FSD1L: variants seen among roughly 807,000 people sequenced by gnomAD.
FSD1L encodes the protein FSD1-like protein.
FSD1L carries 45 observed loss-of-function variants against 71.6 expected under a neutral mutation model. That is an observed-to-expected ratio of 0.63 (90% CI 0.49 to 0.81). The LOEUF is 0.81. FSD1L is among the 30% of genes least tolerant of loss of function. The pLI, the probability that FSD1L is intolerant of heterozygous loss-of-function variation, is 0.00. For missense variants in FSD1L, 561 were observed against 618.1 expected (o/e 0.91, Z 0.98); for synonymous variants, 197 against 207.2 (o/e 0.95, Z 0.42).
intron 10 of FSD1L, chr9:105,523,144 T>C (rs528069809): frequency 1.2e-6 from 2 of 1,613,948 alleles, no homozygotes; most frequent in East Asian, 2.2e-5. Flanking sequence ...ACTCTTCATA[T>C]AGATTCTGAA....
At chr9:105,503,530 C>T (rs1265258566) in intron 7 of FSD1L, among the ~76,000 whole-genome samples, 6 of 152,144 alleles carry the variant, frequency 3.9e-5, no homozygotes, top group Non-Finnish European at 7.4e-5. Flanking sequence ...AATGCTGATG[C>T]CACTTACCTT....
chr9:105,493,972 A>T (rs1833152314), intron 7 of FSD1L, among the ~76,000 whole-genome samples: 1 of 152,058 alleles, frequency 6.6e-6, no homozygotes, highest in South Asian at 2.1e-4. Flanking sequence ...TCTGACAATT[A>T]TGTGTCTTGG....
intron 9 of FSD1L, 77 bp downstream of exon 9, chr9:105,508,792 C>T: frequency 4.8e-6 from 4 of 826,524 alleles, no homozygotes; most frequent in Non-Finnish European, 7.6e-6. Flanking sequence ...TAACAGGAAG[C>T]ACTTCATGTG....
intron 7 of FSD1L, among the ~76,000 whole-genome samples, chr9:105,494,502 G>A (rs1168056141): frequency 1.3e-5 from 2 of 152,166 alleles, no homozygotes; most frequent in African/African-American, 4.8e-5. Context: ...CTCTCAACTC[G>A]TCAAAGTCAT....
At chr9:105,450,534 C>CTTTTTTTTTTTTTTTTT (rs35115121) in intron 1 of FSD1L, among the ~76,000 whole-genome samples, 1 of 137,934 alleles carries the variant, frequency 7.2e-6, no homozygotes, top group African/African-American at 2.7e-5. Flanking sequence ...GGATTGTGTT[C>CTTTTTTTTTTTTTTTTT]TTTTTTTTTT....
intron 7 of FSD1L, among the ~76,000 whole-genome samples, chr9:105,500,076 T>C (rs1395353308): frequency 6.6e-6 from 1 of 152,256 alleles, no homozygotes; most frequent in Non-Finnish European, 1.5e-5. Flanking sequence ...TGTTCTTTTA[T>C]GCTGTCTACT....
intron 10 of FSD1L, chr9:105,525,102 C>T: frequency 1.3e-6 from 2 of 1,552,196 alleles, no homozygotes; most frequent in Non-Finnish European, 8.7e-7. Flanking sequence ...TATGGCCCAC[C>T]TCCTGTAAGT....
At chr9:105,491,941 G>A (rs1396414420) in intron 7 of FSD1L, among the ~76,000 whole-genome samples, 3 of 152,136 alleles carry the variant, frequency 2.0e-5, no homozygotes, top group East Asian at 3.8e-4. Context: ...GTTCATCAAG[G>A]ATATTGGTCT....
At chr9:105,489,331 T>G (rs1247146519) in intron 7 of FSD1L, among the ~76,000 whole-genome samples, 1 of 152,152 alleles carries the variant, frequency 6.6e-6, no homozygotes. Context: ...TCACTGTTTG[T>G]GACAAGGTCT....
chr9:105,464,441 G>C (rs1440109360), intron 3 of FSD1L, 110 bp downstream of exon 3: 1 of 522,890 alleles, frequency 1.9e-6, no homozygotes, highest in African/African-American at 2.0e-5. Flanking sequence ...GGTGAGAGCA[G>C]AGCTTTAAAA....
chr9:105,533,414 A>ATCTTTTTTTTT (rs1836030987), intron 10 of FSD1L, among the ~76,000 whole-genome samples: 1 of 13,374 alleles, frequency 7.5e-5, no homozygotes, highest in Non-Finnish European at 1.7e-4. Flanking sequence ...TGCCATTTCC[A>ATCTTTTTTTTT]TCTTTTTTTT....
Position 105,547,621 on chromosome 9 carries a change from C to T in FSD1L, c.*1138C>T, listed in dbSNP as rs1837083391. 1.3e-5 allele frequency: 2 copies of T among 152,006 alleles called. No homozygotes were observed. The highest frequency in any genetic ancestry group is 4.8e-5 in the African/African-American group (2 of 41,416). The allele number at this position is 152,006 out of a possible 1,614,324, so 9.4% of individuals were successfully genotyped here. A position where few individuals can be genotyped will look rare whatever the true frequency, so the allele number is the denominator to read the frequency against. ...TCAGTCCTTTTGCTACATTCACTTT[C>T]TTTTCAAAGAAATGTTAATTATTAC... On this transcript the variant is annotated 3_prime_UTR_variant, in exon 14 of 14. Transcript: ENST00000481272.
At chr9:105,504,056 A>G (rs1280450813) in intron 7 of FSD1L, among the ~76,000 whole-genome samples, 2 of 152,194 alleles carry the variant, frequency 1.3e-5, no homozygotes, top group Non-Finnish European at 2.9e-5. Flanking sequence ...GACTTTTTTT[A>G]TACCAACCTC....
intron 5 of FSD1L, among the ~76,000 whole-genome samples, chr9:105,478,667 A>T (rs576559537): frequency 4.1e-5 from 6 of 145,518 alleles, no homozygotes; most frequent in African/African-American, 1.5e-4. Context: ...GTGCTTGCAT[A>T]AAAAAAAAAG....
chr9:105,512,945 G>T lies in FSD1L; in HGVS notation c.1025+9G>T. On this transcript the variant is annotated intron_variant, in intron 10 of 13. Transcript: ENST00000481272. ...AAAGAGAACAAGGGCAGGTAAGCTA[G>T]ACCATTAAATCTGCCATATGGACAA... The T allele has an allele frequency of 2.0e-6, 3 of 1,511,356 alleles. No homozygotes were observed. The South Asian group carries it at 3.9e-5, about 20-fold the overall frequency. 93.6% of individuals were successfully genotyped at this position (1,511,356 alleles called of 1,614,324 possible).
At chr9:105,508,162 C>A (rs1253473155) in intron 8 of FSD1L, among the ~76,000 whole-genome samples, 2 of 148,292 alleles carry the variant, frequency 1.3e-5, no homozygotes, top group Non-Finnish European at 3.0e-5. Context: ...CTGCGCCCGA[C>A]CACATATCAC....
At chr9:105,526,944 C>T (rs1202946798) in intron 10 of FSD1L, among the ~76,000 whole-genome samples, 7 of 150,802 alleles carry the variant, frequency 4.6e-5, no homozygotes, top group Non-Finnish European at 1.0e-4. Context: ...TAAAATTTTA[C>T]ATTTAAGCAT....
intron 13 of FSD1L, among the ~76,000 whole-genome samples, chr9:105,539,828 T>A (rs919022112): frequency 1.3e-5 from 2 of 152,172 alleles, no homozygotes; most frequent in Non-Finnish European, 2.9e-5. Flanking sequence ...TTATAGTTCA[T>A]TCATTCTCAT....
chr9:105,442,584 A>G, the FSD1L span, among the ~76,000 whole-genome samples: 1 of 151,904 alleles, frequency 6.6e-6, no homozygotes, highest in Non-Finnish European at 1.5e-5. Flanking sequence ...GCTACTCGGC[A>G]GGCTGAGGTG....
Sources: allele counts gnomAD v4.1 joint callset (sites outside exome capture counted in the v4.1 genomes callset), GRCh38; gene constraint gnomAD v4.1.1; transcripts MANE v1.5; gene names NCBI Gene and HGNC (gene_info 2026-07-23, HGNC 2026-07-21).